Variants in CD180 observed in about 807,000 individuals in gnomAD.
CD180 encodes CD180 antigen.
A neutral mutation model predicts 10.7 loss-of-function variants in CD180; 11 were observed. The ratio of observed to expected loss-of-function variants is 1.03; its 90% CI spans 0.65 to 1.70. The LOEUF is 1.70. Among genes scored for constraint, CD180 ranks in the 40% most tolerant of loss-of-function variants. The pLI, the probability that CD180 is intolerant of heterozygous loss-of-function variation, is 0.00. For missense variants in CD180, 729 were observed against 775.2 expected, an observed-to-expected ratio of 0.94 and a Z score of 0.71; for synonymous variants, 286 against 294.6, an observed-to-expected ratio of 0.97 and a Z score of 0.30.
At chr5:67,189,047 T>TG (rs1742253518) in intron 1 of CD180, among the ~76,000 whole-genome samples, 1 of 152,192 alleles carries the variant, frequency 6.6e-6, no homozygotes, top group African/African-American at 2.4e-5. Context: ...GCCCCAGTAG[T>TG]TGCAAAGGTG....
chr5:67,192,187 G>A (rs1320754430), intron 1 of CD180, among the ~76,000 whole-genome samples: 1 of 152,204 alleles, frequency 6.6e-6, no homozygotes, highest in Non-Finnish European at 1.5e-5. Context: ...TCAGGAGATC[G>A]AGACCATCCT....
rs146658779 is a variant in CD180 at position 67,188,174 on chromosome 5, GA to G, written c.91-2158del. Among the ~76,000 whole-genome samples the G allele has an allele frequency of 6.8e-5, 10 of 147,316 alleles. No individual in the cohort carries two copies. In the East Asian group the frequency reaches 1.4e-3, roughly 20 times the overall value. On this transcript the variant is annotated intron_variant, in intron 1 of 2. Coordinates refer to ENST00000256447, the MANE Select transcript of CD180 (RefSeq NM_005582.3). ...ACAGAGTGAGACTCTGCCTCAAAAA[GA>G]AAAAAAAAAGATTGGGGGTAAGTTA...
At chr5:67,186,934 G>A (rs1742208658) in intron 1 of CD180, among the ~76,000 whole-genome samples, 1 of 151,892 alleles carries the variant, frequency 6.6e-6, no homozygotes, top group Admixed American at 6.6e-5. Context: ...AAAAGATACA[G>A]AGATATAAGA....
chr5:67,185,319 ACACACACACG>A (rs1284004139), intron 2 of CD180, among the ~76,000 whole-genome samples: 11 of 151,714 alleles, frequency 7.3e-5, no homozygotes, highest in Middle Eastern at 3.4e-3. Flanking sequence ...ACACACACAC[ACACACACACG>A]CAGTATAGCC....
intron 2 of CD180, among the ~76,000 whole-genome samples, chr5:67,185,282 C>CA (rs1561235115): frequency 3.2e-4 from 41 of 128,270 alleles, no homozygotes; most frequent in African/African-American, 1.3e-3. Context: ...AGAGCCTGTC[C>CA]CCTCTTACAC....
At chr5:67,186,876 A>ATGTGTGTGTGTGTGTG (rs1742205291) in intron 1 of CD180, among the ~76,000 whole-genome samples, 2 of 126,032 alleles carry the variant, frequency 1.6e-5, no homozygotes, top group African/African-American at 5.6e-5. Flanking sequence ...GTGTGTGTGA[A>ATGTGTGTGTGTGTGTG]AGAGAGAGAG....
Position 67,182,730 on chromosome 5 carries a change from G to A in CD180, c.*127C>T. The stretch of plus-strand genomic sequence containing the variant: ...GGAGTAAGAAGCTCAGAAAAGCACA[G>A]TGAGTCCCTGCCCAGTTCCAGGAAG... On this transcript the variant is annotated 3_prime_UTR_variant, in exon 3 of 3. Coordinates refer to ENST00000256447, the MANE Select transcript of CD180 (RefSeq NM_005582.3). The A allele has an allele frequency of 1.4e-6, 1 of 716,368 alleles. No homozygotes were observed. Among genetic ancestry groups the A allele is most frequent in the South Asian group, 2.0e-5 (1 of 49,814 alleles). 44.4% of individuals were successfully genotyped at this position (716,368 alleles called of 1,614,324 possible). A position where few individuals can be genotyped will look rare whatever the true frequency, so the allele number is the denominator to read the frequency against.
intron 1 of CD180, chr5:67,190,920 A>G (rs1561237339): frequency 2.0e-6 from 2 of 985,182 alleles, no homozygotes; most frequent in Non-Finnish European, 2.4e-6. Flanking sequence ...ATTTCACTCA[A>G]GTGCTTATTC....
At chr5:67,190,895 A>G (rs1742292198) in intron 1 of CD180, 1 of 982,004 alleles carries the variant, frequency 1.0e-6, no homozygotes, top group Non-Finnish European at 1.2e-6. Flanking sequence ...AACATTTTCT[A>G]ATTTGGAACT....
chr5:67,184,325 C>T lies in CD180; in HGVS notation c.518G>A (p.Arg173Gln), dbSNP rs762544461. The T allele has an allele frequency of 9.0e-5, 146 of 1,614,112 alleles. No homozygotes were observed. The highest frequency in any genetic ancestry group is 1.2e-4 in the Non-Finnish European group (136 of 1,180,016). The change falls in exon 3 of 3, where the codon CGG becomes CAG. Residue 173 changes from arginine (R) to glutamine (Q), a missense_variant. Arg to Gln is a conservative substitution (Grantham distance 43, BLOSUM62 1). Transcript: ENST00000256447. Reference sequence around the variant, plus strand: ...CTGAAAATCCAGTACTTTCAGATTCCGTGCTGGGAAGTCTTTGGGGAACTT... The same window carrying T: ...CTGAAAATCCAGTACTTTCAGATTCTGTGCTGGGAAGTCTTTGGGGAACTT... ...SIKFPKDFPA[R>Q]NLKVLDFQNN...
intron 1 of CD180, among the ~76,000 whole-genome samples, chr5:67,190,105 C>G (rs1257286276): frequency 6.6e-6 from 1 of 152,204 alleles, no homozygotes; most frequent in Non-Finnish European, 1.5e-5. Context: ...TCTTTCACAA[C>G]ATGAATGTCC....
intron 1 of CD180, among the ~76,000 whole-genome samples, chr5:67,196,332 G>A (rs141614370): frequency 1.2e-3 from 186 of 152,248 alleles, no homozygotes; most frequent in African/African-American, 4.4e-3. Flanking sequence ...GTTTGAAGAG[G>A]AGAAAAATTC....
At position 67,186,848 on chromosome 5, in the gene CD180, C is replaced by CTGTGTGTGTGTG. The variant is rs56004314; in HGVS notation, c.91-843_91-832dup. On this transcript the variant is annotated intron_variant, in intron 1 of 2. Coordinates refer to ENST00000256447, the MANE Select transcript of CD180 (RefSeq NM_005582.3). ...TATGGAACAACTGACTTTGTTCTAT[C>CTGTGTGTGTGTG]TGTGTGTGTGTGTGTGTGTGTGTGT... Among the ~76,000 whole-genome samples the CTGTGTGTGTGTG allele has an allele frequency of 6.5e-3, 959 of 146,796 alleles. 13 individuals carry two copies. Among genetic ancestry groups the CTGTGTGTGTGTG allele is most frequent in the African/African-American group, 0.022 (883 of 39,438 alleles).
intron 1 of CD180, among the ~76,000 whole-genome samples, chr5:67,188,185 G>A (rs1408319541): frequency 4.2e-5 from 6 of 144,366 alleles, no homozygotes; most frequent in East Asian, 2.0e-4. Flanking sequence ...AAAAAAAAAA[G>A]ATTGGGGGTA....
intron 1 of CD180, among the ~76,000 whole-genome samples, chr5:67,196,293 G>A (rs936882026): frequency 2.0e-5 from 3 of 152,120 alleles, no homozygotes; most frequent in African/African-American, 7.2e-5. Flanking sequence ...AATATCTTAT[G>A]ACCCACTTGG....
At chr5:67,192,673 C>T (rs1229888749) in intron 1 of CD180, among the ~76,000 whole-genome samples, 1 of 152,118 alleles carries the variant, frequency 6.6e-6, no homozygotes, top group Non-Finnish European at 1.5e-5. Flanking sequence ...CAAGACAGCA[C>T]CAAGCTGTGA....
chr5:67,185,315 ACACACACACACACG>A (rs1365786860), intron 2 of CD180, among the ~76,000 whole-genome samples: 1 of 151,586 alleles, frequency 6.6e-6, no homozygotes, highest in Admixed American at 6.6e-5. Flanking sequence ...ACACACACAC[ACACACACACACACG>A]CAGTATAGCC....
chr5:67,193,743 C>T (rs1354733672), intron 1 of CD180, among the ~76,000 whole-genome samples: 1 of 152,220 alleles, frequency 6.6e-6, no homozygotes, highest in East Asian at 1.9e-4. Context: ...GAACACTGAG[C>T]ACCACTCCTG....
chr5:67,188,512 G>A (rs148418885), intron 1 of CD180, among the ~76,000 whole-genome samples: 3 of 152,068 alleles, frequency 2.0e-5, no homozygotes, highest in Admixed American at 6.6e-5. Flanking sequence ...TGACACATAG[G>A]GGTTCACCAG....
Sources: allele counts gnomAD v4.1 joint callset (sites outside exome capture counted in the v4.1 genomes callset), GRCh38; gene constraint gnomAD v4.1.1; transcripts MANE v1.5; gene names NCBI Gene and HGNC (gene_info 2026-07-23, HGNC 2026-07-21).